The following EML2 variants were observed in gnomAD, a reference collection of about 807,000 sequenced individuals.
EML2 encodes the protein EMAP like 2, also known as echinoderm microtubule-associated protein-like 2.
Under a neutral mutation model 84.7 loss-of-function variants are expected in EML2, and 59 were observed. The observed-to-expected ratio is 0.70, with a 90% CI of 0.56 to 0.86. The LOEUF (loss-of-function observed/expected upper bound fraction) is 0.86, where lower values mean the gene tolerates loss of function less well. EML2 is among the 40% of genes least tolerant of loss of function. The pLI is 0.00. For synonymous variants in EML2, 352 were observed against 348.9 expected (o/e 1.01, Z -0.10); for missense variants, 818 against 855.6 (o/e 0.96, Z 0.55).
chr19:45,624,133 T>G, intron 9 of EML2, among the ~76,000 whole-genome samples: 1 of 152,248 alleles, frequency 6.6e-6, no homozygotes, highest in South Asian at 2.1e-4. Flanking sequence ...ATCTGTTGGC[T>G]GAAACAACCA....
At chr19:45,620,968 C>T (rs1413090101) in intron 11 of EML2, 1 of 638,108 alleles carries the variant, frequency 1.6e-6, no homozygotes, top group Non-Finnish European at 2.9e-6. Context: ...GTGCCACCCC[C>T]AATCAGAGTG....
In EML2 at chr19:45,624,705, G is replaced by A; in HGVS notation, c.841+14C>T. On this transcript the variant is annotated intron_variant, in intron 9 of 18. Coordinates refer to ENST00000245925, the MANE Select transcript of EML2 (RefSeq NM_012155.4). The stretch of plus-strand genomic sequence containing the variant: ...AGACTGGATTGGGAACCAAACAGAT[G>A]GGGTGACACTGACCTTTGCCCCAAA... 3 of 1,601,404 alleles carry A rather than the reference G, an allele frequency of 1.9e-6. No homozygotes were observed. The highest frequency in any genetic ancestry group is 2.6e-6 in the Non-Finnish European group (3 of 1,169,378).
rs377253305 is a variant in EML2, at chr19:45,609,719, T to A, written c.1894A>T (p.Met632Leu). 1.9e-6 allele frequency: 3 copies of A among 1,613,768 alleles called. No individual in the cohort carries two copies. The highest frequency in any genetic ancestry group is 1.3e-5 in the African/African-American group (1 of 75,008). ...TNVAFLWDDS[M>L]ALTTGGKDTS... ...TCCTTGCCCCCTGTGGTCAGGGCCA[T>A]GCTGTCATCCCACAAGAAGGCCACA... Residue 632 changes from methionine (M) to leucine (L), a missense_variant, in exon 19 of 19, where the codon ATG (methionine) becomes TTG (leucine). Coordinates refer to ENST00000245925, the MANE Select transcript of EML2 (RefSeq NM_012155.4).
intron 11 of EML2, 194 bp downstream of exon 11, chr19:45,621,013 G>A (rs1331348365): frequency 2.3e-6 from 2 of 852,740 alleles, no homozygotes; most frequent in East Asian, 2.8e-5. Context: ...GGGGCCTGGG[G>A]CCCCTCTGCT....
chr19:45,637,972 C>T (rs1034423217), intron 3 of EML2, among the ~76,000 whole-genome samples: 5 of 151,910 alleles, frequency 3.3e-5, no homozygotes, highest in African/African-American at 7.3e-5. Flanking sequence ...CCACCGCGCC[C>T]GGCCTGCTAT....
intron 8 of EML2, among the ~76,000 whole-genome samples, chr19:45,626,413 A>G (rs1225631542): frequency 1.0e-5 from 1 of 98,326 alleles, no homozygotes; most frequent in Admixed American, 1.4e-4. Flanking sequence ...TTTTTCTGAG[A>G]TAGGGTCTCG....
rs1232018097 is a variant in EML2 at position 45,629,951 on chromosome 19, C to A, written c.606G>T (p.Lys202Asn). ...WAKETKVVDV[K>N]CSNEAVLVAT... ...GAGGGGATGAGAAAAGTCACCTCAC[C>A]TTGACATCCACCACCTTGGTCTCCT... Residue 202 changes from lysine (K) to asparagine (N), a missense_variant and splice_region_variant, in exon 7 of 19, where the codon AAG (lysine) becomes AAT (asparagine). Transcript: ENST00000245925. 1.1e-5 allele frequency: 17 copies of A among 1,613,028 alleles called. No homozygotes were observed. Among genetic ancestry groups the A allele is most frequent in the Non-Finnish European group, 1.4e-5 (17 of 1,179,226 alleles).
chr19:45,616,592 C>G, intron 14 of EML2, 34 bp from the exon 15 acceptor site: 1 of 1,549,880 alleles, frequency 6.5e-7, no homozygotes, highest in Non-Finnish European at 8.9e-7. Context: ...TGAGGAGGCA[C>G]CCAGGCTCCA....
upstream of EML2, chr19:45,645,543 C>A: frequency 8.9e-7 from 1 of 1,127,340 alleles, no homozygotes; most frequent in Non-Finnish European, 1.2e-6. Context: ...CACCGCCTGC[C>A]AAGCCCCCCA....
At chr19:45,614,739 G>T in intron 16 of EML2, 39 bp from the exon 17 acceptor site, 1 of 1,517,286 alleles carries the variant, frequency 6.6e-7, no homozygotes. Flanking sequence ...AGAGTTGGAA[G>T]AACTACCCAG....
upstream of EML2, chr19:45,642,161 G>T: frequency 6.6e-7 from 1 of 1,517,328 alleles, no homozygotes. Context: ...AAGCGCGGAG[G>T]CGCCCGGCCC....
intron 3 of EML2, among the ~76,000 whole-genome samples, chr19:45,635,584 T>C (rs1277703232): frequency 2.5e-5 from 2 of 79,882 alleles, no homozygotes; most frequent in Non-Finnish European, 4.8e-5. Flanking sequence ...GTCTGTTTCC[T>C]TTTTTTTTTT....
At chr19:45,613,363 CTG>C (rs1568430459) in intron 18 of EML2, among the ~76,000 whole-genome samples, 176 bp downstream of exon 18, 1 of 152,170 alleles carries the variant, frequency 6.6e-6, no homozygotes, top group Non-Finnish European at 1.5e-5. Flanking sequence ...CCATGACACA[CTG>C]AAATTCATCC....
Position 45,616,637 on chromosome 19 carries a change from T to C in EML2, c.1412-79A>G, listed in dbSNP as rs1971113436. The C allele has an allele frequency of 4.3e-6, 6 of 1,394,772 alleles. No homozygotes were observed. The Admixed American group carries it at 1.1e-4, about 25-fold the overall frequency. 86.4% of individuals were successfully genotyped at this position (1,394,772 alleles called of 1,614,324 possible). ...CGCCCAGACTCAGCCCCCTCAACAG[T>C]CCCCAGCTCCATCCCCACTGCATCC... On this transcript the variant is annotated intron_variant, in intron 14 of 18. Coordinates refer to ENST00000245925, the MANE Select transcript of EML2 (RefSeq NM_012155.4).
chr19:45,638,163 C>A (rs1473046985), intron 3 of EML2, among the ~76,000 whole-genome samples: 3 of 152,202 alleles, frequency 2.0e-5, no homozygotes, highest in Admixed American at 6.5e-5. Flanking sequence ...GGTCTATGGA[C>A]CTGAGATCAT....
chr19:45,637,662 C>CTTTTTTTTTTT (rs1206550438), intron 3 of EML2, among the ~76,000 whole-genome samples: 1 of 45,800 alleles, frequency 2.2e-5, no homozygotes, highest in African/African-American at 6.6e-5. Context: ...TTTTCTTTTT[C>CTTTTTTTTTTT]TTTTCTTTTT....
At chr19:45,645,378 CCCGGGCCCGGT>C, upstream of EML2, 1 of 1,518,010 alleles carries the variant, frequency 6.6e-7, no homozygotes, top group Non-Finnish European at 8.8e-7. Context: ...CCGGTCCCAG[CCCGGGCCCGGT>C]CCCCCCAACC....
chr19:45,636,880 G>A (rs1472750628), intron 3 of EML2, among the ~76,000 whole-genome samples: 1 of 152,278 alleles, frequency 6.6e-6, no homozygotes, highest in East Asian at 1.9e-4. Context: ...CCAGGAGGTG[G>A]AGGTTGCAGT....
upstream of EML2, among the ~76,000 whole-genome samples, chr19:45,643,035 A>G (rs1974723185): frequency 6.6e-6 from 1 of 152,082 alleles, no homozygotes; most frequent in South Asian, 2.1e-4. Flanking sequence ...CTTTGATTTT[A>G]TGACTAAGAC....
Sources: allele counts gnomAD v4.1 joint callset (sites outside exome capture counted in the v4.1 genomes callset), GRCh38; gene constraint gnomAD v4.1.1; transcripts MANE v1.5; gene names NCBI Gene and HGNC (gene_info 2026-07-23, HGNC 2026-07-21).